The following USP9X variants were observed in gnomAD, a reference collection of about 807,000 sequenced individuals.
USP9X encodes the protein ubiquitin carboxyl-terminal hydrolase 9X.
In USP9X, 7 loss-of-function variants were observed where a neutral mutation model predicts 190.3. The observed-to-expected ratio is 0.04, with a 90% CI of 0.02 to 0.07. The LOEUF (loss-of-function observed/expected upper bound fraction) is 0.07. Ranked by LOEUF, USP9X falls within the 10% of genes least tolerant of loss-of-function variation. The probability of loss-of-function intolerance (pLI) is 1.00; values close to 1 mark genes in which losing one functional copy is unlikely to be tolerated. For missense variants in USP9X, 1,010 were observed against 1,916.9 expected (o/e 0.53, Z 8.83); for synonymous variants, 645 against 659.5 (o/e 0.98, Z 0.34).
At chrX:41,199,103 G>T (rs901933845) in intron 30 of USP9X, among the ~76,000 whole-genome samples, 5 of 110,750 alleles carry the variant, frequency 4.5e-5, no homozygotes, top group Non-Finnish European at 7.6e-5. Context: ...AGAATTGCTT[G>T]AACCCAGGAG....
chrX:41,110,092 G>C (rs1382649781), intron 1 of USP9X, among the ~76,000 whole-genome samples: 1 of 110,835 alleles, frequency 9.0e-6, no homozygotes, highest in Non-Finnish European at 1.9e-5. Context: ...TGTTTGAGAA[G>C]GATTCTCAAA....
chrX:41,140,615 TTAAAG>T, intron 6 of USP9X, 36 bp from the exon 7 acceptor site: 1 of 1,047,796 alleles, frequency 9.5e-7, no homozygotes. Flanking sequence ...TTTTTACCCT[TTAAAG>T]TAGGAAGTTA....
chrX:41,223,400 A>G lies in USP9X; in HGVS notation c.6749A>G (p.Asn2250Ser), dbSNP rs749106988. 7.5e-6 allele frequency: 9 copies of G among 1,207,836 alleles called. No homozygotes were observed. The East Asian group carries it at 1.2e-4, about 16-fold the overall frequency. Reference protein sequence around the residue: ...NVSSRMQSSINGNPPLPNPFG... With the variant: ...NVSSRMQSSISGNPPLPNPFG... The stretch of plus-strand genomic sequence containing the variant: ...TCTTCAAGAATGCAGTCTTCAATCA[A>G]TGGTAAATTTGAATGCTCCATTCTT... Residue 2250 changes from asparagine (N) to serine (S), a missense_variant and splice_region_variant, in exon 39 of 45, where the codon AAT becomes AGT. Transcript: ENST00000378308.
intron 13 of USP9X, among the ~76,000 whole-genome samples, chrX:41,151,326 T>C (rs754935207): frequency 6.2e-4 from 69 of 111,861 alleles, no homozygotes; most frequent in Non-Finnish European, 1.0e-3. Flanking sequence ...ATATACATAC[T>C]ATATTTCCAG....
chrX:41,208,960 G>A (rs1182482077), intron 32 of USP9X, among the ~76,000 whole-genome samples: 5 of 110,625 alleles, frequency 4.5e-5, no homozygotes, highest in Non-Finnish European at 9.5e-5. Flanking sequence ...CACCCGGCTC[G>A]GCCTCCCAAA....
intron 1 of USP9X, among the ~76,000 whole-genome samples, chrX:41,113,121 C>T (rs1344283901): frequency 8.9e-6 from 1 of 112,582 alleles, no homozygotes; most frequent in African/African-American, 3.2e-5. Context: ...TCTTTAAAAA[C>T]ATAATTGAAT....
intron 1 of USP9X, among the ~76,000 whole-genome samples, chrX:41,120,788 G>A (rs1003475604): frequency 3.7e-5 from 4 of 109,436 alleles, no homozygotes; most frequent in Non-Finnish European, 5.7e-5. Context: ...GTGAGCTACC[G>A]CGCCCAGCCA....
chrX:41,150,928 A>C lies in USP9X; in HGVS notation c.1634A>C (p.Asp545Ala). The C allele has an allele frequency of 8.3e-7, 1 of 1,205,748 alleles. No individual in the cohort carries two copies. Among genetic ancestry groups the C allele is most frequent in the Non-Finnish European group, 1.1e-6 (1 of 892,942 alleles). ...ILDYSCSQDR[D>A]TQKIQWIDRF... ...TGAAATCATTTGTTTAAGGACCGTG[A>C]TACACAAAAGATCCAATGGATAGAT... Residue 545 changes from aspartate to alanine, a missense_variant, in exon 13 of 45, where the codon GAT (aspartate) becomes GCT (alanine). By Grantham distance (126) the Asp-to-Ala change is moderately radical. Transcript: ENST00000378308.
chrX:41,205,629 GT>G (rs1471542274), intron 32 of USP9X, 136 bp downstream of exon 32: 4 of 532,830 alleles, frequency 7.5e-6, no homozygotes, highest in Admixed American at 5.8e-5. Context: ...CCTTAATTGG[GT>G]GGGTTTTTTT....
chrX:41,180,132 CCTT>C (rs1355216789), intron 21 of USP9X, among the ~76,000 whole-genome samples: 1 of 112,140 alleles, frequency 8.9e-6, no homozygotes, highest in Non-Finnish European at 1.9e-5. Flanking sequence ...AAATTAAACA[CCTT>C]GTTGGGCTTC....
Position 41,232,460 on chromosome X carries a change from A to G in USP9X, c.7601A>G (p.Gln2534Arg). 8.3e-7 allele frequency: 1 copy of G among 1,211,652 alleles called. No individual in the cohort carries two copies. The highest frequency in any genetic ancestry group is 1.1e-6 in the Non-Finnish European group (1 of 895,439). Residue 2534 changes from glutamine to arginine, a missense_variant, in exon 45 of 45, where the codon CAA (glutamine) becomes CGA (arginine). This residue lies in a region of USP9X where 48 missense variants were observed against 60.4 expected (regional missense o/e 0.79). Coordinates refer to ENST00000378308, the MANE Select transcript of USP9X (RefSeq NM_001039591.3). ...ATGAACAACCCTCAGAGAACTGGCCAACGAGCACAAGAAAATTATGAAGGC... is the reference window on the plus strand; with the variant it reads ...ATGAACAACCCTCAGAGAACTGGCCGACGAGCACAAGAAAATTATGAAGGC... ...HHMNNPQRTG[Q>R]RAQENYEGSE...
At position 41,197,352 on chromosome X, in the gene USP9X, C is replaced by CCCCCCGGGGGGGGG; in HGVS notation, c.4234-12_4234-11insCCCCCGGGGGGGGG. Reference sequence around the variant, plus strand: ...TTCTTCCCCCCCCCACCCCACCCCCCGCCTTTGGCAGGATGATGTTAAAAG... The same window carrying CCCCCCGGGGGGGGG: ...TTCTTCCCCCCCCCACCCCACCCCCCCCCCCGGGGGGGGGGCCTTTGGCAGGATGATGTTAAAAG... On this transcript the variant is annotated splice_polypyrimidine_tract_variant and intron_variant, in intron 28 of 44. Transcript: ENST00000378308. The CCCCCCGGGGGGGGG allele has an allele frequency of 7.1e-6, 7 of 988,131 alleles. No homozygotes were observed. The highest frequency in any genetic ancestry group is 9.2e-6 in the Non-Finnish European group (7 of 759,303). The allele number at this position is 988,131 out of a possible 1,213,427, so 81.4% of individuals were successfully genotyped here.
In USP9X at chrX:41,103,124, C is replaced by T. The variant is rs772526629; in HGVS notation, c.-159+17015C>T. On this transcript the variant is annotated intron_variant, in intron 1 of 44. Coordinates refer to ENST00000378308, the MANE Select transcript of USP9X (RefSeq NM_001039591.3). Reference sequence around the variant, plus strand: ...TTGAGTTTATCTTAACCTGTTGTTTCAACAGAGTAGATTGATAGTTAGGCA... The same window carrying T: ...TTGAGTTTATCTTAACCTGTTGTTTTAACAGAGTAGATTGATAGTTAGGCA... Among the ~76,000 whole-genome samples, 3 of 112,418 alleles carry T rather than the reference C, an allele frequency of 2.7e-5. No homozygotes were observed. In the East Asian group the frequency reaches 8.3e-4, roughly 31 times the overall value.
At chrX:41,125,380 A>ATT (rs35160092) in intron 2 of USP9X, among the ~76,000 whole-genome samples, 1 of 100,271 alleles carries the variant, frequency 1.0e-5, no homozygotes, top group African/African-American at 3.6e-5. Context: ...CGGCCGATCC[A>ATT]TTTTTTTTTT....
intron 13 of USP9X, among the ~76,000 whole-genome samples, chrX:41,152,251 T>C (rs1405882531): frequency 8.9e-6 from 1 of 112,142 alleles, no homozygotes; most frequent in Non-Finnish European, 1.9e-5. Flanking sequence ...GGAGCATATT[T>C]TGAGTATGTT....
intron 20 of USP9X, among the ~76,000 whole-genome samples, chrX:41,170,957 C>A (rs759511946): frequency 1.8e-5 from 2 of 111,606 alleles, no homozygotes; most frequent in South Asian, 7.5e-4. Flanking sequence ...TCTGCATATA[C>A]CCAAAATGCT....
intron 12 of USP9X, among the ~76,000 whole-genome samples, chrX:41,150,573 C>G (rs1015944962): frequency 9.0e-5 from 10 of 111,101 alleles, no homozygotes; most frequent in African/African-American, 3.3e-4. Flanking sequence ...GGTAGAATCT[C>G]TTAAAATACT....
rs910893474 is a variant in USP9X at position 41,162,433 on chromosome X, T to C, written c.1898-357T>C. ...TGAAAACACCTTTCAATATAACAGG[T>C]AAGAAATTGAAGAAAAAAATTTTGT... On this transcript the variant is annotated intron_variant, in intron 14 of 44. Coordinates refer to ENST00000378308, the MANE Select transcript of USP9X (RefSeq NM_001039591.3). Among the ~76,000 whole-genome samples the C allele has an allele frequency of 2.7e-5, 3 of 111,940 alleles. No homozygotes were observed. The East Asian group carries it at 8.3e-4, about 31-fold the overall frequency.
chrX:41,092,078 T>G (rs2061958574), intron 1 of USP9X, among the ~76,000 whole-genome samples: 1 of 111,975 alleles, frequency 8.9e-6, no homozygotes, highest in Admixed American at 9.5e-5. Flanking sequence ...CCCTACAGTT[T>G]ATTCTTATTA....
Sources: allele counts gnomAD v4.1 joint callset (sites outside exome capture counted in the v4.1 genomes callset), GRCh38; gene constraint gnomAD v4.1.1; regional missense constraint gnomAD v4.1.1; transcripts MANE v1.5; gene names NCBI Gene and HGNC (gene_info 2026-07-23, HGNC 2026-07-21).